The following NCAM2 variants were observed in gnomAD, a reference collection of about 807,000 sequenced individuals.
NCAM2 encodes the protein N-CAM-2.
In NCAM2, 30 loss-of-function variants were observed where a neutral mutation model predicts 98.1. The observed-to-expected ratio is 0.31, with a 90% CI of 0.23 to 0.41. The LOEUF (loss-of-function observed/expected upper bound fraction) is 0.41, where lower values mean the gene tolerates loss of function less well. Among genes scored for constraint, NCAM2 ranks in the 10% least tolerant of loss-of-function variants. The pLI, the probability that NCAM2 is intolerant of heterozygous loss-of-function variation, is 1.00. For synonymous variants in NCAM2, 368 were observed against 342.4 expected (o/e 1.07, Z -0.83); for missense variants, 867 against 1,005.8 (o/e 0.86, Z 1.87).
At chr21:21,278,810 G>A (rs2072824716) in intron 1 of NCAM2, among the ~76,000 whole-genome samples, 1 of 151,826 alleles carries the variant, frequency 6.6e-6, no homozygotes, top group Admixed American at 6.6e-5. Context: ...ATTTTTTTTG[G>A]TAAATATTTT....
At chr21:21,033,563 T>TC (rs1014981912) in intron 1 of NCAM2, among the ~76,000 whole-genome samples, 6 of 151,470 alleles carry the variant, frequency 4.0e-5, no homozygotes, top group South Asian at 2.1e-4. Flanking sequence ...ATAAATGACC[T>TC]CCCCCCCAAA....
chr21:21,339,855 A>AT (rs1426249485), intron 8 of NCAM2, among the ~76,000 whole-genome samples: 2 of 151,164 alleles, frequency 1.3e-5, no homozygotes, highest in Non-Finnish European at 3.0e-5. Flanking sequence ...TTTTTGTTTC[A>AT]TTTTCTCCTC....
intron 16 of NCAM2, among the ~76,000 whole-genome samples, chr21:21,521,459 A>G (rs1989011541): frequency 1.3e-5 from 2 of 152,204 alleles, no homozygotes; most frequent in South Asian, 2.1e-4. Flanking sequence ...AGATTTAGAT[A>G]TGATGGCGAT....
chr21:21,417,179 T>C (rs1055593162), intron 10 of NCAM2, among the ~76,000 whole-genome samples: 1 of 147,864 alleles, frequency 6.8e-6, no homozygotes, highest in African/African-American at 2.4e-5. Context: ...TTCTTCTCTG[T>C]TGAATTTGCA....
At chr21:21,452,270 T>TGTGTA (rs1452943714) in intron 12 of NCAM2, among the ~76,000 whole-genome samples, 1 of 150,540 alleles carries the variant, frequency 6.6e-6, no homozygotes. Context: ...TACATACATA[T>TGTGTA]TCTAACACAA....
chr21:21,301,843 C>CA (rs1011084028), intron 5 of NCAM2, among the ~76,000 whole-genome samples: 1 of 148,232 alleles, frequency 6.7e-6, no homozygotes, highest in East Asian at 2.0e-4. Flanking sequence ...TTTATGCAGC[C>CA]AAAAAATACA....
intron 5 of NCAM2, among the ~76,000 whole-genome samples, chr21:21,319,371 A>G (rs1372199662): frequency 6.6e-6 from 1 of 152,222 alleles, no homozygotes; most frequent in Admixed American, 6.5e-5. Context: ...AGGCCAGTGC[A>G]GTGGCTCACG....
At chr21:21,237,949 C>CTT (rs71195313) in intron 1 of NCAM2, among the ~76,000 whole-genome samples, 33,395 of 109,832 alleles carry the variant, frequency 0.3, 6,862 homozygotes, top group Non-Finnish European at 0.33. Flanking sequence ...CATTGTAATT[C>CTT]TTTTTTTTTT....
chr21:21,013,081 C>A (rs1568926494), intron 1 of NCAM2, among the ~76,000 whole-genome samples: 1 of 152,082 alleles, frequency 6.6e-6, no homozygotes, highest in Admixed American at 6.6e-5. Context: ...CCTACAATGG[C>A]CCCTAAATAT....
intron 14 of NCAM2, among the ~76,000 whole-genome samples, chr21:21,476,341 T>G (rs1985165096): frequency 6.6e-6 from 1 of 152,104 alleles, no homozygotes; most frequent in Non-Finnish European, 1.5e-5. Context: ...CTGTTATTTT[T>G]TTAAGTGGTT....
At chr21:21,349,467 T>C (rs1242533154) in intron 8 of NCAM2, among the ~76,000 whole-genome samples, 1 of 152,162 alleles carries the variant, frequency 6.6e-6, no homozygotes, top group Non-Finnish European at 1.5e-5. Context: ...GGAACCTTTG[T>C]ACACTCTGAG....
rs1380226141 is a variant in NCAM2, at chr21:21,387,176, G to GCA, written c.1195+13172_1195+13173dup. Among the ~76,000 whole-genome samples the GCA allele has an allele frequency of 6.8e-3, 851 of 125,520 alleles. 2 individuals carry two copies. The highest frequency in any genetic ancestry group is 8.2e-3 in the Non-Finnish European group (475 of 57,884). The allele number at this position is 125,520 out of a possible 152,430, so 82.3% of individuals were successfully genotyped here. A position where few individuals can be genotyped will look rare whatever the true frequency, so the allele number is the denominator to read the frequency against. ...TACTGGCATGGCCTTTACTTGGTGC[G>GCA]CACACACACATACACACACACACAC... On this transcript the variant is annotated intron_variant, in intron 9 of 17. Transcript: ENST00000400546.
At chr21:21,530,277 ATTT>A (rs1989594329) in intron 16 of NCAM2, among the ~76,000 whole-genome samples, 1 of 133,246 alleles carries the variant, frequency 7.5e-6, no homozygotes, top group Non-Finnish European at 1.6e-5. Context: ...ATTATATATA[ATTT>A]AATTTAATTA....
intron 10 of NCAM2, among the ~76,000 whole-genome samples, chr21:21,413,024 A>G (rs2076919096): frequency 6.6e-6 from 1 of 152,188 alleles, no homozygotes; most frequent in South Asian, 2.1e-4. Context: ...TTCTTTAAGT[A>G]TATATATTCA....
intron 1 of NCAM2, among the ~76,000 whole-genome samples, chr21:21,173,476 A>G (rs1284445921): frequency 2.0e-5 from 3 of 152,202 alleles, no homozygotes; most frequent in Non-Finnish European, 4.4e-5. Flanking sequence ...GTCTGAAATA[A>G]TGTATTTTCT....
intron 1 of NCAM2, among the ~76,000 whole-genome samples, chr21:21,066,334 C>T (rs1305855137): frequency 6.6e-6 from 1 of 152,052 alleles, no homozygotes; most frequent in African/African-American, 2.4e-5. Context: ...TGTATATTAG[C>T]ACATTTAAAA....
intron 9 of NCAM2, among the ~76,000 whole-genome samples, chr21:21,375,638 T>TTTA (rs765343757): frequency 6.3e-4 from 95 of 151,798 alleles, no homozygotes; most frequent in Non-Finnish European, 1.3e-3. Flanking sequence ...TTATAAATAC[T>TTTA]TTACACTTTT....
intron 6 of NCAM2, among the ~76,000 whole-genome samples, chr21:21,331,520 TATATATATATATATA>T (rs2074690130): frequency 3.5e-4 from 6 of 16,964 alleles, no homozygotes; most frequent in Admixed American, 7.8e-4. Flanking sequence ...TCTCTCTCTA[TATATATATATATATA>T]CTCTATATAC....
At chr21:21,114,511 G>A (rs927424776) in intron 1 of NCAM2, among the ~76,000 whole-genome samples, 2 of 152,170 alleles carry the variant, frequency 1.3e-5, no homozygotes, top group Non-Finnish European at 2.9e-5. Context: ...TTAATGTTCT[G>A]CCATAGGAAA....
Sources: allele counts gnomAD v4.1 joint callset (sites outside exome capture counted in the v4.1 genomes callset), GRCh38; gene constraint gnomAD v4.1.1; transcripts MANE v1.5; gene names NCBI Gene and HGNC (gene_info 2026-07-23, HGNC 2026-07-21).